The following TAF4B variants were observed in gnomAD, a reference collection of about 807,000 sequenced individuals.
The protein encoded by TAF4B is TATA-box binding protein associated factor 4b, also known as transcription initiation factor TFIID subunit 4B.
In TAF4B, 38 loss-of-function variants were observed where a neutral mutation model predicts 86.4. That is an observed-to-expected ratio of 0.44 (90% CI 0.34 to 0.58). TAF4B has a LOEUF of 0.58. Among genes scored for constraint, TAF4B ranks in the 20% least tolerant of loss-of-function variants. The pLI, the probability that TAF4B is intolerant of heterozygous loss-of-function variation, is 0.02. For synonymous variants in TAF4B, 388 were observed against 391.2 expected (o/e 0.99, Z 0.10); for missense variants, 988 against 1,027.6 (o/e 0.96, Z 0.53).
rs568183419 is a variant in TAF4B, at chr18:26,337,568, G to A, written c.2316+2337G>A. On this transcript the variant is annotated intron_variant, in intron 13 of 14. Transcript: ENST00000269142. ...CTCCCGAGTAGCTGGGATTACAGGCGCGTACCACCGCATCCAGCTAATTTT... is the reference window on the plus strand; with the variant it reads ...CTCCCGAGTAGCTGGGATTACAGGCACGTACCACCGCATCCAGCTAATTTT... Among the ~76,000 whole-genome samples, 95 of 151,844 alleles carry A rather than the reference G, an allele frequency of 6.3e-4. 1 individual carries two copies. The highest frequency in any genetic ancestry group is 4.9e-4 in the Non-Finnish European group (33 of 67,932).
At chr18:26,237,358 G>T (rs1010085016) in intron 1 of TAF4B, among the ~76,000 whole-genome samples, 2 of 152,138 alleles carry the variant, frequency 1.3e-5, no homozygotes, top group East Asian at 3.8e-4. Flanking sequence ...TACCTATCAG[G>T]ATTATCTGAA....
At chr18:26,264,744 G>T (rs1185697622) in intron 1 of TAF4B, among the ~76,000 whole-genome samples, 2 of 152,118 alleles carry the variant, frequency 1.3e-5, no homozygotes, top group Non-Finnish European at 2.9e-5. Context: ...TAATTGACCA[G>T]CCCCACTTAC....
chr18:26,286,084 C>T lies in TAF4B; in HGVS notation c.1175C>T (p.Ser392Leu), dbSNP rs749456163. ...VSGATAPRTV[S>L]VQTLNPLAGP... ...GGAGCAACAGCACCCAGAACTGTGT[C>T]AGTGCAAACTTTGAACCCACTTGCT... Residue 392 changes from serine (S) to leucine (L), a missense_variant, in exon 7 of 15, where the codon TCA becomes TTA. Physicochemically the swap from Ser to Leu is moderately radical, Grantham distance 145. Coordinates refer to ENST00000269142, the MANE Select transcript of TAF4B (RefSeq NM_005640.3). The T allele has an allele frequency of 1.2e-6, 2 of 1,614,198 alleles. No homozygotes were observed. The highest frequency in any genetic ancestry group is 1.7e-6 in the Non-Finnish European group (2 of 1,180,026).
chr18:26,350,831 C>T (rs975991523), intron 13 of TAF4B, among the ~76,000 whole-genome samples: 2 of 152,038 alleles, frequency 1.3e-5, no homozygotes, highest in African/African-American at 2.4e-5. Context: ...AGATATCATT[C>T]GACCCCAGTG....
chr18:26,257,835 C>CTGCG (rs896991614), intron 1 of TAF4B, among the ~76,000 whole-genome samples: 13 of 123,366 alleles, frequency 1.1e-4, no homozygotes, highest in East Asian at 1.0e-3. Context: ...TGGCTTTCCT[C>CTGCG]TGCGTGCGTG....
At chr18:26,266,735 G>T (rs920437213) in intron 2 of TAF4B, 1 of 152,152 alleles carries the variant, frequency 6.6e-6, no homozygotes, top group African/African-American at 2.4e-5. Context: ...GGTGGCAGGC[G>T]CCTGTAGTCC....
chr18:26,294,934 GA>G (rs1005093061), intron 9 of TAF4B, among the ~76,000 whole-genome samples: 5 of 150,228 alleles, frequency 3.3e-5, no homozygotes, highest in African/African-American at 9.7e-5. Context: ...TCTACAAGAG[GA>G]AAAATTAATG....
chr18:26,255,790 G>A (rs976810408), intron 1 of TAF4B: 1 of 1,510,632 alleles, frequency 6.6e-7, no homozygotes, highest in Non-Finnish European at 9.2e-7. Flanking sequence ...GGCTTGAAGA[G>A]ATGTGTGTCA....
At chr18:26,230,635 T>C (rs545636206) in intron 1 of TAF4B, among the ~76,000 whole-genome samples, 1 of 152,304 alleles carries the variant, frequency 6.6e-6, no homozygotes, top group African/African-American at 2.4e-5. Flanking sequence ...TTCCTCAAGG[T>C]GAGGTTAGGT....
rs1461305405 is a variant in TAF4B at position 26,248,755 on chromosome 18, G to A, written c.344-16415G>A. Among the ~76,000 whole-genome samples, 7 of 84,028 alleles carry A rather than the reference G, an allele frequency of 8.3e-5. No homozygotes were observed. In the Admixed American group the frequency reaches 8.3e-4, roughly 10 times the overall value. The allele number at this position is 84,028 out of a possible 152,430, so 55.1% of individuals were successfully genotyped here. A position where few individuals can be genotyped will look rare whatever the true frequency, so the allele number is the denominator to read the frequency against. On this transcript the variant is annotated intron_variant, in intron 1 of 14. Coordinates refer to ENST00000269142, the MANE Select transcript of TAF4B (RefSeq NM_005640.3). ...TCCCAGGCTGGCCTTGAACTCCTGG[G>A]CTCAAGTGATCTTCCTGCCTTAGCC...
At chr18:26,279,850 T>A (rs916804511) in intron 5 of TAF4B, among the ~76,000 whole-genome samples, 1 of 152,138 alleles carries the variant, frequency 6.6e-6, no homozygotes, top group African/African-American at 2.4e-5. Context: ...CAGACCAGTA[T>A]GGTCAACATG....
chr18:26,379,498 A>G (rs898798882), intron 14 of TAF4B, among the ~76,000 whole-genome samples: 1 of 152,092 alleles, frequency 6.6e-6, no homozygotes, highest in Non-Finnish European at 1.5e-5. Context: ...GTTGAAAACC[A>G]ATTAACTATA....
chr18:26,306,620 G>A (rs530768115), intron 9 of TAF4B, among the ~76,000 whole-genome samples: 2 of 152,198 alleles, frequency 1.3e-5, no homozygotes, highest in South Asian at 4.1e-4. Flanking sequence ...CTATTTCTTA[G>A]ATATTTTTGT....
rs529234292 is a variant in TAF4B at position 26,294,214 on chromosome 18, G to A, written c.1832+683G>A. Among the ~76,000 whole-genome samples, 3 of 152,220 alleles carry A rather than the reference G, an allele frequency of 2.0e-5. No homozygotes were observed. The South Asian group carries it at 6.2e-4, about 32-fold the overall frequency. ...TACCAAATTGTTTATCAAAATGACA[G>A]TATCATTTTGCATTTCTGTCATTGA... On this transcript the variant is annotated intron_variant, in intron 9 of 14. Coordinates refer to ENST00000269142, the MANE Select transcript of TAF4B (RefSeq NM_005640.3).
chr18:26,354,515 T>G (rs1489895821), intron 13 of TAF4B, among the ~76,000 whole-genome samples: 1 of 152,208 alleles, frequency 6.6e-6, no homozygotes, highest in African/African-American at 2.4e-5. Context: ...TCTAGCAGTC[T>G]TGAGTTTTTT....
rs962097873 is a variant in TAF4B, at chr18:26,389,859, C to T, written c.2436C>T (p.Asn812=). Reference sequence around the variant, plus strand: ...ATTATTTTTAGGGCTTAAAAGACAACCTTCTTGCTTCTGGGACATCCAGCC... The same window carrying T: ...ATTATTTTTAGGGCTTAAAAGACAATCTTCTTGCTTCTGGGACATCCAGCC... ...LESGIEGLKD[N]LLASGTSSLT... is the part of the protein sequence containing the mutation. The change falls in exon 15 of 15, where the codon AAC becomes AAT. Residue 812 remains asparagine (N), a synonymous_variant. Coordinates refer to ENST00000269142, the MANE Select transcript of TAF4B (RefSeq NM_005640.3). 33 of 1,611,636 alleles carry T rather than the reference C, an allele frequency of 2.0e-5. No homozygotes were observed. Among genetic ancestry groups the T allele is most frequent in the Non-Finnish European group, 2.6e-5 (31 of 1,179,416 alleles).
At chr18:26,253,092 G>A (rs1165646039) in intron 1 of TAF4B, among the ~76,000 whole-genome samples, 1 of 152,132 alleles carries the variant, frequency 6.6e-6, no homozygotes, top group Non-Finnish European at 1.5e-5. Flanking sequence ...TGAATATAAT[G>A]TTGAACAAAA....
At chr18:26,351,563 C>T (rs72881831) in intron 13 of TAF4B, among the ~76,000 whole-genome samples, 3,472 of 152,152 alleles carry the variant, frequency 0.023, 59 homozygotes, top group Middle Eastern at 0.038. Flanking sequence ...ACTAATTATC[C>T]TCATCTGATC....
At chr18:26,297,212 A>G (rs1362956974) in intron 9 of TAF4B, among the ~76,000 whole-genome samples, 1 of 152,122 alleles carries the variant, frequency 6.6e-6, no homozygotes, top group Non-Finnish European at 1.5e-5. Context: ...AGTTCAAAGC[A>G]TACACACAGA....
Sources: gnomAD v4.1 joint callset for allele counts (sites outside exome capture counted in the v4.1 genomes callset) on GRCh38, gnomAD v4.1.1 for gene constraint, MANE v1.5 for transcripts, NCBI Gene and HGNC (gene_info 2026-07-23, HGNC 2026-07-21) for gene names.